The following TTC39C variants were observed in gnomAD, a reference collection of about 807,000 sequenced individuals.
TTC39C encodes tetratricopeptide repeat protein 39C.
In TTC39C, 33 loss-of-function variants were observed where a neutral mutation model predicts 76.3. That is an observed-to-expected ratio of 0.43 (90% CI 0.33 to 0.58). The LOEUF (loss-of-function observed/expected upper bound fraction) is 0.58. Ranked by LOEUF, TTC39C falls within the 20% of genes least tolerant of loss-of-function variation. The pLI is 0.04. For missense variants in TTC39C, 595 were observed against 701.4 expected, an observed-to-expected ratio of 0.85 and a Z score of 1.71; for synonymous variants, 254 against 260.6, an observed-to-expected ratio of 0.97 and a Z score of 0.24.
chr18:24,023,950 G>GTATATATACATATATA (rs2083549983), intron 1 of TTC39C, among the ~76,000 whole-genome samples: 1 of 16,904 alleles, frequency 5.9e-5, no homozygotes. Flanking sequence ...ATATATGCAT[G>GTATATATACATATATA]TATATATATA....
chr18:24,042,937 A>C (rs1279583633), intron 1 of TTC39C, among the ~76,000 whole-genome samples: 1 of 152,146 alleles, frequency 6.6e-6, no homozygotes, highest in African/African-American at 2.4e-5. Context: ...TTGAGAGCAG[A>C]TACCATGACT....
At chr18:24,120,005 A>G (rs1386183737) in intron 8 of TTC39C, among the ~76,000 whole-genome samples, 2 of 147,408 alleles carry the variant, frequency 1.4e-5, no homozygotes, top group African/African-American at 4.9e-5. Context: ...CATACCAATC[A>G]TAGCAGAGGA....
intron 1 of TTC39C, among the ~76,000 whole-genome samples, chr18:24,019,611 A>T (rs1037122058): frequency 6.6e-6 from 1 of 152,244 alleles, no homozygotes; most frequent in African/African-American, 2.4e-5. Context: ...TCATTTTGTG[A>T]GCATGTTGAT....
At chr18:24,042,595 A>T (rs1162253924) in intron 1 of TTC39C, among the ~76,000 whole-genome samples, 1 of 152,120 alleles carries the variant, frequency 6.6e-6, no homozygotes. Context: ...GAACATCTTT[A>T]TACACGTTTT....
At chr18:24,071,709 G>A (rs1344767427) in intron 4 of TTC39C, among the ~76,000 whole-genome samples, 3 of 152,150 alleles carry the variant, frequency 2.0e-5, no homozygotes, top group Non-Finnish European at 4.4e-5. Flanking sequence ...TTAGACTGGT[G>A]TGCATTTTTG....
At chr18:24,020,447 G>A in intron 1 of TTC39C, 2 of 403,300 alleles carry the variant, frequency 5.0e-6, no homozygotes, top group Non-Finnish European at 6.7e-6. Flanking sequence ...TGCGAAAGAT[G>A]TGAGCCTTTA....
At chr18:24,114,166 T>G in intron 6 of TTC39C, 1 of 254,890 alleles carries the variant, frequency 3.9e-6, no homozygotes, top group East Asian at 1.1e-4. Context: ...TAGCAAACAA[T>G]TAAAATCCAA....
intron 6 of TTC39C, among the ~76,000 whole-genome samples, chr18:24,098,160 A>G (rs1296834240): frequency 6.6e-6 from 1 of 152,050 alleles, no homozygotes; most frequent in Non-Finnish European, 1.5e-5. Flanking sequence ...AATTGATACT[A>G]TGTTTATAAT....
At position 24,102,554 on chromosome 18, in the gene TTC39C, T is replaced by C. The variant is rs9783864; in HGVS notation, c.985-12000T>C. On this transcript the variant is annotated intron_variant, in intron 6 of 13. Coordinates refer to ENST00000317571, the MANE Select transcript of TTC39C (RefSeq NM_001135993.2). ...CTGTGGGTGGAGACGACTGGAGAGG[T>C]GGGGACCGTCTTTAGGATGAGGAGG... Among the ~76,000 whole-genome samples, 1,233 of 151,958 alleles carry C rather than the reference T, an allele frequency of 8.1e-3. 14 individuals are homozygous for C. Among genetic ancestry groups the C allele is most frequent in the African/African-American group, 0.028 (1,141 of 41,438 alleles).
At chr18:24,060,313 G>GTTTTTTTTTTTT in intron 1 of TTC39C, among the ~76,000 whole-genome samples, 1 of 89,242 alleles carries the variant, frequency 1.1e-5, no homozygotes, top group Non-Finnish European at 2.1e-5. Flanking sequence ...TTGCGTTTCT[G>GTTTTTTTTTTTT]TTTTTTTTTT....
intron 1 of TTC39C, among the ~76,000 whole-genome samples, chr18:24,047,096 T>C (rs1409768528): frequency 6.6e-6 from 1 of 151,614 alleles, no homozygotes; most frequent in Non-Finnish European, 1.5e-5. Flanking sequence ...ATATATTTCT[T>C]TTTTTTTCTT....
chr18:24,022,222 A>G (rs1324704614), intron 1 of TTC39C, among the ~76,000 whole-genome samples: 1 of 150,048 alleles, frequency 6.7e-6, no homozygotes, highest in Non-Finnish European at 1.5e-5. Context: ...CCAATCCCCC[A>G]TGGATACTGA....
At chr18:24,110,993 A>AT (rs2084801458) in intron 6 of TTC39C, among the ~76,000 whole-genome samples, 1 of 142,488 alleles carries the variant, frequency 7.0e-6, no homozygotes, top group Non-Finnish European at 1.5e-5. Context: ...CCAGAGAAAG[A>AT]CTTTTTTTTT....
At chr18:24,088,374 T>TA (rs1474544752) in intron 6 of TTC39C, among the ~76,000 whole-genome samples, 1 of 152,168 alleles carries the variant, frequency 6.6e-6, no homozygotes, top group African/African-American at 2.4e-5. Flanking sequence ...CAGACATAGG[T>TA]AAAAATCATG....
chr18:24,023,451 A>C (rs1323740379), intron 1 of TTC39C, among the ~76,000 whole-genome samples: 2 of 152,124 alleles, frequency 1.3e-5, no homozygotes, highest in Non-Finnish European at 2.9e-5. Flanking sequence ...GCTTCCAAAG[A>C]GGTCACAGGT....
chr18:24,089,588 G>A (rs922787674), intron 6 of TTC39C, among the ~76,000 whole-genome samples: 1 of 152,184 alleles, frequency 6.6e-6, no homozygotes, highest in Non-Finnish European at 1.5e-5. Flanking sequence ...ATGAGAAGAT[G>A]TTAGTAACCC....
At chr18:24,105,624 A>C (rs1311173809) in intron 6 of TTC39C, among the ~76,000 whole-genome samples, 1 of 152,166 alleles carries the variant, frequency 6.6e-6, no homozygotes, top group Non-Finnish European at 1.5e-5. Flanking sequence ...GAGCACTGTG[A>C]CTTGCCTCAC....
intron 4 of TTC39C, among the ~76,000 whole-genome samples, chr18:24,071,427 A>G (rs114858829): frequency 0.011 from 1,675 of 152,332 alleles, 32 homozygotes; most frequent in African/African-American, 0.037. Flanking sequence ...ATTACTAAAT[A>G]TTAGTATGGA....
intron 3 of TTC39C, 63 bp downstream of exon 3, chr18:24,066,203 A>G (rs2084165076): frequency 2.6e-6 from 4 of 1,528,272 alleles, no homozygotes; most frequent in East Asian, 2.5e-5. Flanking sequence ...ACTTTTGTTC[A>G]TTTAGAACAA....
Sources: allele counts gnomAD v4.1 joint callset (sites outside exome capture counted in the v4.1 genomes callset), GRCh38; gene constraint gnomAD v4.1.1; transcripts MANE v1.5; gene names NCBI Gene and HGNC (gene_info 2026-07-23, HGNC 2026-07-21).